The following MACROD2 variants were observed in gnomAD, a reference collection of about 807,000 sequenced individuals.
MACROD2 encodes ADP-ribose glycohydrolase MACROD2.
MACROD2 carries 36 observed loss-of-function variants against 70.4 expected under a neutral mutation model. That is an observed-to-expected ratio of 0.51 (90% CI 0.39 to 0.68). The LOEUF (loss-of-function observed/expected upper bound fraction) is 0.68, where lower values mean the gene tolerates loss of function less well. Ranked by LOEUF, MACROD2 falls within the 30% of genes least tolerant of loss-of-function variation. The pLI is 0.00. For synonymous variants in MACROD2, 172 were observed against 178.8 expected (o/e 0.96, Z 0.30); for missense variants, 496 against 538.4 (o/e 0.92, Z 0.78).
At chr20:14,147,241 G>C (rs561902838) in intron 3 of MACROD2, among the ~76,000 whole-genome samples, 75 of 152,248 alleles carry the variant, frequency 4.9e-4, no homozygotes, top group South Asian at 1.5e-3. Context: ...TTCCCAAGGT[G>C]GCATAGTGTG....
At chr20:14,605,420 CA>C (rs1377945848) in intron 4 of MACROD2, among the ~76,000 whole-genome samples, 1 of 152,046 alleles carries the variant, frequency 6.6e-6, no homozygotes, top group Non-Finnish European at 1.5e-5. Context: ...ATAAGGACAT[CA>C]GTCATATTGG....
chr20:14,599,128 T>C (rs1450707154), intron 4 of MACROD2, among the ~76,000 whole-genome samples: 1 of 152,142 alleles, frequency 6.6e-6, no homozygotes, highest in African/African-American at 2.4e-5. Context: ...TATAAATGTA[T>C]ATATTAAGTA....
chr20:14,770,879 T>A (rs2072156280), intron 5 of MACROD2, among the ~76,000 whole-genome samples: 1 of 152,104 alleles, frequency 6.6e-6, no homozygotes, highest in African/African-American at 2.4e-5. Flanking sequence ...ATGTGTCACA[T>A]ATGCTACATT....
chr20:16,008,307 A>G (rs1001453613), intron 15 of MACROD2, among the ~76,000 whole-genome samples: 5 of 152,174 alleles, frequency 3.3e-5, no homozygotes, highest in South Asian at 2.1e-4. Context: ...TCATTTGACT[A>G]TGTACTTCTA....
intron 5 of MACROD2, among the ~76,000 whole-genome samples, chr20:14,853,173 C>CTG (rs147348353): frequency 0.13 from 20,005 of 149,172 alleles, 1,391 homozygotes; most frequent in Middle Eastern, 0.28. Context: ...GTGTGTGTGT[C>CTG]TGTGTGTGTG....
At chr20:15,679,136 C>T (rs747294909) in intron 8 of MACROD2, among the ~76,000 whole-genome samples, 25 of 150,860 alleles carry the variant, frequency 1.7e-4, no homozygotes, top group Admixed American at 1.7e-3. Context: ...GCTTGGGAGG[C>T]TAAGGCAGGA....
chr20:14,687,425 A>G (rs773589662), intron 5 of MACROD2, among the ~76,000 whole-genome samples: 22 of 152,178 alleles, frequency 1.4e-4, no homozygotes, highest in Non-Finnish European at 2.5e-4. Flanking sequence ...TTTGAATACA[A>G]TTCATCTTAT....
At chr20:15,129,439 A>C (rs1037720099) in intron 5 of MACROD2, among the ~76,000 whole-genome samples, 1 of 152,124 alleles carries the variant, frequency 6.6e-6, no homozygotes, top group Non-Finnish European at 1.5e-5. Flanking sequence ...AATTCCTTGC[A>C]CAGATTTACA....
At chr20:14,196,932 TC>T (rs2081437461) in intron 3 of MACROD2, among the ~76,000 whole-genome samples, 1 of 152,246 alleles carries the variant, frequency 6.6e-6, no homozygotes, top group African/African-American at 2.4e-5. Context: ...TGCCCAATTA[TC>T]AGATGCTCTC....
chr20:14,495,306 G>T (rs1484346437), intron 4 of MACROD2, among the ~76,000 whole-genome samples: 2 of 152,036 alleles, frequency 1.3e-5, no homozygotes, highest in Admixed American at 1.3e-4. Flanking sequence ...TGACCTCAGG[G>T]TACAGGATGG....
At chr20:14,824,205 A>G (rs1487246819) in intron 5 of MACROD2, among the ~76,000 whole-genome samples, 1 of 152,102 alleles carries the variant, frequency 6.6e-6, no homozygotes, top group Admixed American at 6.6e-5. Flanking sequence ...GCTGTTGAAC[A>G]ATTATAAAAT....
intron 3 of MACROD2, among the ~76,000 whole-genome samples, chr20:14,282,231 A>G (rs1049114096): frequency 4.6e-5 from 7 of 152,208 alleles, no homozygotes; most frequent in Non-Finnish European, 1.0e-4. Flanking sequence ...AATTATTCAG[A>G]TAATTATAGA....
chr20:15,923,122 T>C (rs759097410), intron 10 of MACROD2, among the ~76,000 whole-genome samples: 4 of 152,162 alleles, frequency 2.6e-5, no homozygotes, highest in African/African-American at 4.8e-5. Context: ...TACTTTCTAC[T>C]TTTACCTGTT....
chr20:15,109,491 G>T (rs2075938081), intron 5 of MACROD2, among the ~76,000 whole-genome samples: 1 of 152,162 alleles, frequency 6.6e-6, no homozygotes, highest in Non-Finnish European at 1.5e-5. Context: ...CTAAAGAGAT[G>T]GCAGGGCTCC....
At chr20:14,270,313 C>T (rs369547278) in intron 3 of MACROD2, among the ~76,000 whole-genome samples, 17 of 152,080 alleles carry the variant, frequency 1.1e-4, no homozygotes, top group Non-Finnish European at 1.6e-4. Context: ...TCCTCTCAAC[C>T]GGGCACAGTG....
intron 5 of MACROD2, among the ~76,000 whole-genome samples, chr20:14,921,452 T>G (rs2074162448): frequency 6.6e-6 from 1 of 151,986 alleles, no homozygotes; most frequent in South Asian, 2.1e-4. Context: ...GAATAGAGAG[T>G]TTTGGATACA....
chr20:15,013,837 G>A (rs996135846), intron 5 of MACROD2, among the ~76,000 whole-genome samples: 2 of 152,212 alleles, frequency 1.3e-5, no homozygotes, highest in African/African-American at 2.4e-5. Context: ...TTTTCCTGGC[G>A]GTGGAGCTTA....
At chr20:14,067,427 G>T (rs1486292259) in intron 2 of MACROD2, among the ~76,000 whole-genome samples, 1 of 152,090 alleles carries the variant, frequency 6.6e-6, no homozygotes, top group East Asian at 1.9e-4. Context: ...AGCATAAAAA[G>T]GTTTGTGTTT....
intron 5 of MACROD2, among the ~76,000 whole-genome samples, chr20:15,164,762 A>G (rs2076372027): frequency 2.0e-5 from 3 of 152,050 alleles, no homozygotes; most frequent in Non-Finnish European, 4.4e-5. Context: ...TTAGCCAGGC[A>G]TGGTGGCTTG....
Sources: allele counts gnomAD v4.1 joint callset (sites outside exome capture counted in the v4.1 genomes callset), GRCh38; gene constraint gnomAD v4.1.1; transcripts MANE v1.5; gene names NCBI Gene and HGNC (gene_info 2026-07-23, HGNC 2026-07-21).